CUX1: variants seen among roughly 807,000 people sequenced by gnomAD.
CUX1 encodes cut like homeobox 1, also known as protein CASP.
A neutral mutation model predicts 158.8 loss-of-function variants in CUX1; 31 were observed. The observed-to-expected ratio is 0.20, with a 90% CI of 0.15 to 0.26. CUX1 has a LOEUF of 0.26. Among genes scored for constraint, CUX1 ranks in the 10% least tolerant of loss-of-function variants. CUX1 has a pLI of 1.00. For missense variants in CUX1, 1,589 were observed against 2,014.6 expected (o/e 0.79, Z 4.04); for synonymous variants, 879 against 862.1 (o/e 1.02, Z -0.34).
At chr7:102,029,645 G>A (rs1166007165) in intron 3 of CUX1, among the ~76,000 whole-genome samples, 8 of 152,112 alleles carry the variant, frequency 5.3e-5, no homozygotes, top group Non-Finnish European at 1.0e-4. Flanking sequence ...GGAAATTTTC[G>A]AGGGCAGAAC....
chr7:101,875,829 CTT>C (rs1007318827), intron 1 of CUX1, among the ~76,000 whole-genome samples: 3 of 147,164 alleles, frequency 2.0e-5, no homozygotes, highest in Admixed American at 1.4e-4. Flanking sequence ...ATTTAGCACT[CTT>C]TTTTTTTTTC....
At chr7:102,026,355 TTA>T (rs1313301216) in intron 2 of CUX1, among the ~76,000 whole-genome samples, 1 of 152,166 alleles carries the variant, frequency 6.6e-6, no homozygotes, top group African/African-American at 2.4e-5. Flanking sequence ...TAACTTTAAG[TTA>T]TATTTAAATA....
rs1201520470 is a variant in CUX1, at chr7:102,257,309, T to C, written c.*8267T>C. 2 of 984,688 alleles carry C rather than the reference T, an allele frequency of 2.0e-6. No homozygotes were observed. Among genetic ancestry groups the C allele is most frequent in the Non-Finnish European group, 2.4e-6 (2 of 829,614 alleles). The allele number at this position is 984,688 out of a possible 1,614,324, so 61.0% of individuals were successfully genotyped here. Reference sequence around the variant, plus strand: ...TGGTCCCCATCTCCCCAGAAGCCTTTTTTTTTTTCATTTTTCTCTAATTAG... The same window carrying C: ...TGGTCCCCATCTCCCCAGAAGCCTTCTTTTTTTTCATTTTTCTCTAATTAG... On this transcript the variant is annotated 3_prime_UTR_variant, in exon 24 of 24. Transcript: ENST00000292535.
At chr7:101,955,822 G>A (rs1809694361) in intron 2 of CUX1, among the ~76,000 whole-genome samples, 1 of 152,098 alleles carries the variant, frequency 6.6e-6, no homozygotes, top group African/African-American at 2.4e-5. Flanking sequence ...AGAGGACAGG[G>A]CTAAGAGTCA....
At chr7:101,821,850 TTTTTTTG>T (rs1562885222) in intron 1 of CUX1, among the ~76,000 whole-genome samples, 27 of 117,904 alleles carry the variant, frequency 2.3e-4, no homozygotes, top group African/African-American at 5.8e-4. Context: ...AGTTTTTTTG[TTTTTTTG>T]TTTTTTTTTT....
At chr7:102,026,454 A>G (rs560936000) in intron 2 of CUX1, among the ~76,000 whole-genome samples, 1 of 152,302 alleles carries the variant, frequency 6.6e-6, no homozygotes, top group African/African-American at 2.4e-5. Context: ...AGCCTCTGAT[A>G]AAATAATTTG....
At position 102,252,587 on chromosome 7, in the gene CUX1, G is replaced by A; in HGVS notation, c.*3545G>A. 4.1e-6 allele frequency: 4 copies of A among 985,404 alleles called. No individual in the cohort carries two copies. The highest frequency in any genetic ancestry group is 4.8e-6 in the Non-Finnish European group (4 of 829,928). The allele number at this position is 985,404 out of a possible 1,614,324, so 61.0% of individuals were successfully genotyped here. A position where few individuals can be genotyped will look rare whatever the true frequency, so the allele number is the denominator to read the frequency against. ...CTTAGCTGGCTAAGCAGAGGCTCGG[G>A]GTAAAATCAGTGTTTGCATTTAGCC... On this transcript the variant is annotated 3_prime_UTR_variant, in exon 24 of 24. Coordinates refer to ENST00000292535, the MANE Select transcript of CUX1 (RefSeq NM_181552.4).
intron 11 of CUX1, among the ~76,000 whole-genome samples, chr7:102,180,919 GTATTTTATTTTATTTTATTTTATTT>G (rs1186410987): frequency 1.9e-5 from 1 of 51,540 alleles, no homozygotes; most frequent in Non-Finnish European, 3.9e-5. Flanking sequence ...TTATTTTATT[GTATTTTATTTTATTTTATTTTATTT>G]TATTTTATTT....
intron 1 of CUX1, among the ~76,000 whole-genome samples, chr7:101,855,877 C>CAA (rs10654821): frequency 0.5 from 55,678 of 110,680 alleles, 15,135 homozygotes; most frequent in Middle Eastern, 0.59. Context: ...GTTTCCAGCT[C>CAA]AAAAAAAAAA....
chr7:102,196,446 A>T (rs1554518331), intron 14 of CUX1, among the ~76,000 whole-genome samples, 188 bp from the exon 15 acceptor site: 1 of 152,234 alleles, frequency 6.6e-6, no homozygotes, highest in Non-Finnish European at 1.5e-5. Context: ...TGTTTTGGGA[A>T]GCCTCGTTTG....
intron 2 of CUX1, among the ~76,000 whole-genome samples, chr7:102,010,312 T>G (rs1817846082): frequency 6.6e-6 from 1 of 151,094 alleles, no homozygotes; most frequent in South Asian, 2.1e-4. Context: ...GGAGAATCAC[T>G]TGAACCCAGA....
At chr7:101,878,466 G>A (rs1799384773) in intron 1 of CUX1, among the ~76,000 whole-genome samples, 1 of 152,176 alleles carries the variant, frequency 6.6e-6, no homozygotes. Context: ...GGGCCAAGTT[G>A]GGGGAATGTC....
At chr7:102,142,929 T>A (rs550053360) in intron 8 of CUX1, among the ~76,000 whole-genome samples, 5 of 151,998 alleles carry the variant, frequency 3.3e-5, no homozygotes, top group Admixed American at 1.3e-4. Flanking sequence ...TATTAAAAAA[T>A]AATAATAATA....
intron 1 of CUX1, among the ~76,000 whole-genome samples, chr7:101,830,766 C>T (rs1037881403): frequency 6.6e-6 from 1 of 152,126 alleles, no homozygotes; most frequent in Non-Finnish European, 1.5e-5. Flanking sequence ...GCCCAGATAA[C>T]TCTTGCCTGC....
In CUX1 at chr7:102,250,738, T is replaced by TCCTC; in HGVS notation, c.*1696_*1697insCCTC. 3 of 985,440 alleles carry TCCTC rather than the reference T, an allele frequency of 3.0e-6. No homozygotes were observed. The highest frequency in any genetic ancestry group is 2.4e-6 in the Non-Finnish European group (2 of 829,940). 61.0% of individuals were successfully genotyped at this position (985,440 alleles called of 1,614,324 possible). ...GTCTAACTTGTCTCTGATTCCTCCC[T>TCCTC]TGTCTATGTGTATATGCGTGAGAAT... On this transcript the variant is annotated 3_prime_UTR_variant, in exon 24 of 24. Coordinates refer to ENST00000292535, the MANE Select transcript of CUX1 (RefSeq NM_181552.4).
At chr7:102,045,099 C>G (rs569426923) in intron 3 of CUX1, among the ~76,000 whole-genome samples, 2 of 152,330 alleles carry the variant, frequency 1.3e-5, no homozygotes, top group Admixed American at 6.5e-5. Flanking sequence ...CACACAGTGT[C>G]TCCCTGTAAG....
chr7:102,132,595 A>T (rs1470117276), intron 8 of CUX1, among the ~76,000 whole-genome samples: 10 of 150,766 alleles, frequency 6.6e-5, no homozygotes, highest in Non-Finnish European at 1.2e-4. Flanking sequence ...AATTCATGTT[A>T]GTTCCGCCTT....
chr7:102,178,779 T>C (rs1316349982), intron 11 of CUX1, 122 bp downstream of exon 11: 6 of 1,056,506 alleles, frequency 5.7e-6, no homozygotes, highest in Middle Eastern at 6.3e-4. Flanking sequence ...CTTGAACCTC[T>C]GTAAAGTAGC....
In CUX1 at chr7:101,967,116, T is replaced by C. The variant is rs112535882; in HGVS notation, c.141+50891T>C. 9.9e-5 allele frequency among the ~76,000 whole-genome samples: 15 copies of C among 152,214 alleles called. 3 individuals are homozygous for C. Among genetic ancestry groups the C allele is most frequent in the African/African-American group, 2.9e-4 (12 of 41,546 alleles). On this transcript the variant is annotated intron_variant, in intron 2 of 23. Transcript: ENST00000292535. ...GCAACCTCCACCTCCCGGGTTTGAA[T>C]GATTCTCTTGCCTCAGCCTCCTGAG...
Sources: allele counts gnomAD v4.1 joint callset (sites outside exome capture counted in the v4.1 genomes callset), GRCh38; gene constraint gnomAD v4.1.1; transcripts MANE v1.5; gene names NCBI Gene and HGNC (gene_info 2026-07-23, HGNC 2026-07-21).